Variants in DCHS2 observed in about 807,000 individuals in gnomAD.
DCHS2 encodes protocadherin-23.
In DCHS2, 142 loss-of-function variants were observed where a neutral mutation model predicts 182.4. The observed-to-expected ratio is 0.78, with a 90% CI of 0.68 to 0.89. The LOEUF (loss-of-function observed/expected upper bound fraction) is 0.89. Among genes scored for constraint, DCHS2 ranks in the 40% least tolerant of loss-of-function variants. The probability of loss-of-function intolerance (pLI) is 0.00; values close to 1 mark genes in which losing one functional copy is unlikely to be tolerated. For missense variants in DCHS2, 4,319 were observed against 4,198.6 expected (o/e 1.03, Z -0.79); for synonymous variants, 1,740 against 1,663.3 (o/e 1.05, Z -1.12).
intron 3 of DCHS2, among the ~76,000 whole-genome samples, chr4:154,341,478 A>G (rs1298250948): frequency 6.6e-6 from 1 of 152,118 alleles, no homozygotes; most frequent in African/African-American, 2.4e-5. Flanking sequence ...GCTAGGTTTT[A>G]AAAAGAAAAT....
chr4:154,276,318 A>C (rs1733851823), intron 13 of DCHS2, among the ~76,000 whole-genome samples: 2 of 152,182 alleles, frequency 1.3e-5, no homozygotes, highest in African/African-American at 4.8e-5. Flanking sequence ...AGTGTGAAAC[A>C]TTTAATGTTC....
chr4:154,270,105 C>A, intron 13 of DCHS2, 92 bp from the exon 14 acceptor site: 1 of 1,429,480 alleles, frequency 7.0e-7, no homozygotes, highest in Non-Finnish European at 9.3e-7. Context: ...TATTTGCCTA[C>A]TATGTTTTCA....
At chr4:154,303,504 A>AC (rs58987527) in intron 12 of DCHS2, among the ~76,000 whole-genome samples, 1 of 137,206 alleles carries the variant, frequency 7.3e-6, no homozygotes. Flanking sequence ...AAAAAAAAAA[A>AC]GCTGAAGATC....
At chr4:154,393,122 A>G (rs1017084903) in intron 1 of DCHS2, among the ~76,000 whole-genome samples, 2 of 152,224 alleles carry the variant, frequency 1.3e-5, no homozygotes, top group African/African-American at 2.4e-5. Context: ...AACAAATGGT[A>G]TCCAACAGAA....
intron 1 of DCHS2, among the ~76,000 whole-genome samples, chr4:154,448,538 A>G (rs1254029002): frequency 1.3e-5 from 2 of 152,072 alleles, no homozygotes; most frequent in Admixed American, 6.6e-5. Context: ...AGCTACCACT[A>G]TTTGTCATCT....
At chr4:154,321,283 ATG>A in intron 8 of DCHS2, 61 bp from the exon 9 acceptor site, 1 of 1,383,258 alleles carries the variant, frequency 7.2e-7, no homozygotes, top group Non-Finnish European at 9.4e-7. Flanking sequence ...TAATGAATAA[ATG>A]TAATAATATT....
intron 13 of DCHS2, among the ~76,000 whole-genome samples, chr4:154,288,238 T>A (rs1183957691): frequency 1.3e-5 from 2 of 151,948 alleles, no homozygotes; most frequent in Non-Finnish European, 2.9e-5. Context: ...AAAAAGATAC[T>A]CCATGCAAAT....
At chr4:154,461,809 G>C (rs537080190) in intron 1 of DCHS2, among the ~76,000 whole-genome samples, 1 of 152,208 alleles carries the variant, frequency 6.6e-6, no homozygotes, top group Admixed American at 6.5e-5. Flanking sequence ...GAGAAACATA[G>C]AGCAAGAACC....
intron 10 of DCHS2, among the ~76,000 whole-genome samples, chr4:154,307,652 G>A (rs1363779728): frequency 6.6e-6 from 1 of 152,182 alleles, no homozygotes; most frequent in Non-Finnish European, 1.5e-5. Context: ...CAAAGCTTCA[G>A]CCTGGGATCA....
At chr4:154,336,016 G>C (rs963986031) in intron 3 of DCHS2, among the ~76,000 whole-genome samples, 49 of 152,144 alleles carry the variant, frequency 3.2e-4, no homozygotes, top group African/African-American at 1.2e-3. Flanking sequence ...AAGTCTACAG[G>C]ATGAAACTAA....
chr4:154,471,203 T>C lies in DCHS2; in HGVS notation c.2052+18101A>G, dbSNP rs79610679. On this transcript the variant is annotated intron_variant, in intron 1 of 19. Transcript: ENST00000357232. The stretch of plus-strand genomic sequence containing the variant: ...CATTAAAAATGTTTCAACTCCACAG[T>C]GTCTCCGACAGCCCAGTTTTTGTTT... Among the ~76,000 whole-genome samples, 17 of 152,348 alleles carry C rather than the reference T, an allele frequency of 1.1e-4. No homozygotes were observed. The East Asian group carries it at 3.1e-3, about 28-fold the overall frequency.
chr4:154,409,568 G>A (rs577686778), intron 1 of DCHS2, among the ~76,000 whole-genome samples: 10 of 152,232 alleles, frequency 6.6e-5, no homozygotes, highest in African/African-American at 9.6e-5. Flanking sequence ...AGATCCCAAC[G>A]TTGTGGGTAA....
At chr4:154,276,286 A>C (rs1487448732) in intron 13 of DCHS2, among the ~76,000 whole-genome samples, 1 of 152,164 alleles carries the variant, frequency 6.6e-6, no homozygotes, top group Admixed American at 6.6e-5. Flanking sequence ...ATTTTATTTC[A>C]AGTCTGACAC....
intron 16 of DCHS2, among the ~76,000 whole-genome samples, chr4:154,253,190 A>AGTGTGT (rs1371660809): frequency 2.0e-5 from 3 of 148,664 alleles, no homozygotes; most frequent in Admixed American, 6.7e-5. Context: ...AGAGAGAGAG[A>AGTGTGT]GAGTGTGTGT....
chr4:154,449,869 C>G (rs534469554), intron 1 of DCHS2, among the ~76,000 whole-genome samples: 64 of 152,286 alleles, frequency 4.2e-4, no homozygotes, highest in South Asian at 3.7e-3. Flanking sequence ...ATAATTTTAT[C>G]AGTGTCTTCA....
intron 3 of DCHS2, among the ~76,000 whole-genome samples, chr4:154,341,328 C>G (rs910515273): frequency 7.0e-6 from 1 of 143,234 alleles, no homozygotes; most frequent in Non-Finnish European, 1.5e-5. Flanking sequence ...GAGACCGCGC[C>G]ACTGCACTCC....
At chr4:154,426,702 G>A (rs568509441) in intron 1 of DCHS2, among the ~76,000 whole-genome samples, 5 of 152,164 alleles carry the variant, frequency 3.3e-5, no homozygotes. Context: ...GGGAGGCTGA[G>A]GAGGGAGGAT....
chr4:154,392,734 T>C (rs1731764081), intron 1 of DCHS2, among the ~76,000 whole-genome samples: 1 of 152,236 alleles, frequency 6.6e-6, no homozygotes, highest in Non-Finnish European at 1.5e-5. Flanking sequence ...TTTACAGAAC[T>C]GTATATTTAT....
intron 1 of DCHS2, among the ~76,000 whole-genome samples, chr4:154,384,077 T>C (rs1298110439): frequency 6.6e-6 from 1 of 152,154 alleles, no homozygotes; most frequent in African/African-American, 2.4e-5. Context: ...AATAACGTTT[T>C]ACATTTGAAG....
Sources: gnomAD v4.1 joint callset for allele counts (sites outside exome capture counted in the v4.1 genomes callset) on GRCh38, gnomAD v4.1.1 for gene constraint, MANE v1.5 for transcripts, NCBI Gene and HGNC (gene_info 2026-07-23, HGNC 2026-07-21) for gene names.